The following TRIM2 variants were observed in gnomAD, a reference collection of about 807,000 sequenced individuals.
TRIM2 encodes tripartite motif-containing protein 2.
In TRIM2, 20 loss-of-function variants were observed where a neutral mutation model predicts 75.2. The observed-to-expected ratio is 0.27, with a 90% confidence interval of 0.19 to 0.39. The LOEUF (loss-of-function observed/expected upper bound fraction) is 0.39, where lower values mean the gene tolerates loss of function less well. Ranked by LOEUF, TRIM2 falls within the 10% of genes least tolerant of loss-of-function variation. The probability of loss-of-function intolerance (pLI) is 1.00; values close to 1 mark genes in which losing one functional copy is unlikely to be tolerated. For missense variants in TRIM2, 660 were observed against 990.8 expected, an observed-to-expected ratio of 0.67 and a Z score of 4.48; for synonymous variants, 373 against 388.3, an observed-to-expected ratio of 0.96 and a Z score of 0.46.
At chr4:153,296,110 A>T (rs766704310) in intron 6 of TRIM2, 74 bp downstream of exon 6, 147 of 1,485,314 alleles carry the variant, frequency 9.9e-5, no homozygotes, top group Non-Finnish European at 1.2e-4. Context: ...TGTCATTGCA[A>T]ATAGCAACAC....
Position 153,337,782 on chromosome 4 carries a change from A to G in TRIM2, c.*2816A>G. On this transcript the variant is annotated 3_prime_UTR_variant, in exon 12 of 12. Transcript: ENST00000338700. Reference sequence around the variant, plus strand: ...GTCAAGTGTATAGAACCTGTCATACATTCATGATAAGTAGCACTGAAAAAT... The same window carrying G: ...GTCAAGTGTATAGAACCTGTCATACGTTCATGATAAGTAGCACTGAAAAAT... The G allele has an allele frequency of 2.0e-6, 2 of 985,856 alleles. No individual in the cohort carries two copies. Among genetic ancestry groups the G allele is most frequent in the Non-Finnish European group, 2.4e-6 (2 of 829,930 alleles). 61.1% of individuals were successfully genotyped at this position (985,856 alleles called of 1,614,324 possible).
rs568881623 is a variant in TRIM2, at chr4:153,210,788, A to C, written c.30+6228A>C. On this transcript the variant is annotated intron_variant, in intron 1 of 11. Coordinates refer to ENST00000338700, the MANE Select transcript of TRIM2 (RefSeq NM_015271.5). ...TCTGGACATACTGGAGGCACAGCAT[A>C]AATATTAATGCTGGCCATTACAAAA... Among the ~76,000 whole-genome samples, 5 of 152,338 alleles carry C rather than the reference A, an allele frequency of 3.3e-5. No individual in the cohort carries two copies. The East Asian group carries it at 7.7e-4, about 23-fold the overall frequency.
At chr4:153,193,543 T>G (rs1355975376) in intron 1 of TRIM2, among the ~76,000 whole-genome samples, 1 of 152,256 alleles carries the variant, frequency 6.6e-6, no homozygotes, top group Non-Finnish European at 1.5e-5. Flanking sequence ...TATATAATGC[T>G]TGCTATATGC....
At chr4:153,175,733 G>T (rs1056615251) in intron 1 of TRIM2, among the ~76,000 whole-genome samples, 3 of 152,176 alleles carry the variant, frequency 2.0e-5, no homozygotes, top group Non-Finnish European at 4.4e-5. Context: ...ATGTGATCCT[G>T]ATTGGATCCT....
intron 3 of TRIM2, among the ~76,000 whole-genome samples, chr4:153,286,878 A>G (rs1358624516): frequency 6.6e-6 from 1 of 150,376 alleles, no homozygotes; most frequent in Admixed American, 6.7e-5. Flanking sequence ...TCTTAAGTCT[A>G]TTTTTTCTGA....
At chr4:153,183,183 T>G (rs1732247325) in intron 1 of TRIM2, among the ~76,000 whole-genome samples, 1 of 152,240 alleles carries the variant, frequency 6.6e-6, no homozygotes, top group Non-Finnish European at 1.5e-5. Flanking sequence ...AGTGCAGAGC[T>G]GCCTCTCTCC....
intron 3 of TRIM2, among the ~76,000 whole-genome samples, chr4:153,286,580 A>G (rs1760667275): frequency 1.3e-5 from 2 of 152,124 alleles, no homozygotes; most frequent in African/African-American, 4.8e-5. Flanking sequence ...GAATTTGTCC[A>G]TTTCATCTAA....
chr4:153,220,677 T>A (rs1353211895), intron 1 of TRIM2, among the ~76,000 whole-genome samples: 1 of 152,158 alleles, frequency 6.6e-6, no homozygotes, highest in African/African-American at 2.4e-5. Flanking sequence ...ATAGTAAGTT[T>A]TGTTATATAT....
intron 1 of TRIM2, among the ~76,000 whole-genome samples, chr4:153,189,120 T>C (rs2149654999): frequency 6.6e-6 from 1 of 152,310 alleles, no homozygotes; most frequent in East Asian, 1.9e-4. Context: ...CAAAATGCTA[T>C]AATCACAGGC....
upstream of TRIM2, among the ~76,000 whole-genome samples, chr4:153,200,214 A>G (rs1450195702): frequency 6.6e-6 from 1 of 152,172 alleles, no homozygotes; most frequent in East Asian, 1.9e-4. Context: ...TACAGGCGTG[A>G]GCCACTGTGC....
chr4:153,294,443 G>C lies in TRIM2; in HGVS notation c.744G>C (p.Val248=), dbSNP rs566381785. The C allele has an allele frequency of 6.2e-7, 1 of 1,614,076 alleles. No homozygotes were observed. Among genetic ancestry groups the C allele is most frequent in the African/African-American group, 1.3e-5 (1 of 75,042 alleles). Residue 248 remains valine, a synonymous_variant, in exon 5 of 12, where the codon GTG becomes GTC. Coordinates refer to ENST00000338700, the MANE Select transcript of TRIM2 (RefSeq NM_015271.5). The part of the protein sequence containing the change: ...LQKTLNVRKS[V]LLMELEVNYG... ...AGACTTTAAATGTGCGCAAGAGTGTGCTGCTTATGGAATTGGAGGTCAACT... is the reference window on the plus strand; with the variant it reads ...AGACTTTAAATGTGCGCAAGAGTGTCCTGCTTATGGAATTGGAGGTCAACT...
At chr4:153,258,350 G>A (rs147518003) in intron 1 of TRIM2, among the ~76,000 whole-genome samples, 1 of 151,560 alleles carries the variant, frequency 6.6e-6, no homozygotes, top group African/African-American at 2.4e-5. Context: ...TTGAAGTACA[G>A]TCAAATCTGG....
intron 3 of TRIM2, among the ~76,000 whole-genome samples, chr4:153,286,767 C>T (rs886273665): frequency 6.7e-6 from 1 of 149,884 alleles, no homozygotes; most frequent in Admixed American, 6.6e-5. Context: ...CACCCCGCAC[C>T]CCCCCACCAT....
At chr4:153,182,911 G>C (rs936673276) in intron 1 of TRIM2, among the ~76,000 whole-genome samples, 2 of 152,070 alleles carry the variant, frequency 1.3e-5, no homozygotes, top group African/African-American at 4.8e-5. Flanking sequence ...CAATACCCCA[G>C]TTATTCCTTC....
Position 153,337,025 on chromosome 4 carries a change from C to T in TRIM2, c.*2059C>T. 1.0e-6 allele frequency: 1 copy of T among 981,888 alleles called. No homozygotes were observed. Among genetic ancestry groups the T allele is most frequent in the Non-Finnish European group, 1.2e-6 (1 of 826,786 alleles). The allele number at this position is 981,888 out of a possible 1,614,324, so 60.8% of individuals were successfully genotyped here. A position where few individuals can be genotyped will look rare whatever the true frequency, so the allele number is the denominator to read the frequency against. ...AGTACTCTTTTAGGCACTGGAAATA[C>T]AGTGATGGACAAAACAGGTAAAAAA... On this transcript the variant is annotated 3_prime_UTR_variant, in exon 12 of 12. Transcript: ENST00000338700.
chr4:153,173,728 G>C (rs893027924), intron 1 of TRIM2, among the ~76,000 whole-genome samples: 1 of 151,984 alleles, frequency 6.6e-6, no homozygotes, highest in Non-Finnish European at 1.5e-5. Context: ...TGCACTTTGG[G>C]AGGCCAAGAC....
intron 1 of TRIM2, among the ~76,000 whole-genome samples, chr4:153,172,164 G>A (rs980487840): frequency 6.0e-5 from 9 of 149,474 alleles, no homozygotes; most frequent in East Asian, 2.0e-4. Flanking sequence ...TAGAAACCAC[G>A]GCATTTATTA....
chr4:153,238,761 C>T (rs1009109623), intron 1 of TRIM2, among the ~76,000 whole-genome samples: 8 of 152,182 alleles, frequency 5.3e-5, no homozygotes, highest in African/African-American at 1.9e-4. Flanking sequence ...GTGATTGGGT[C>T]ATGGAATTGC....
intron 4 of TRIM2, among the ~76,000 whole-genome samples, chr4:153,293,765 G>A (rs940122822): frequency 9.8e-5 from 15 of 152,334 alleles, no homozygotes; most frequent in African/African-American, 3.4e-4. Context: ...GGAAACTTAC[G>A]AGAAGTTCTC....
Sources: gnomAD v4.1 joint callset for allele counts (sites outside exome capture counted in the v4.1 genomes callset) on GRCh38, gnomAD v4.1.1 for gene constraint, MANE v1.5 for transcripts, NCBI Gene and HGNC (gene_info 2026-07-23, HGNC 2026-07-21) for gene names.